CCT3: variants seen among roughly 807,000 people sequenced by gnomAD.
CCT3 encodes chaperonin containing TCP1 subunit 3.
Under a neutral mutation model 65.3 loss-of-function variants are expected in CCT3, and 10 were observed. The observed-to-expected ratio is 0.15, with a 90% CI of 0.09 to 0.26. The LOEUF (loss-of-function observed/expected upper bound fraction) is 0.26, where lower values mean the gene tolerates loss of function less well. Among genes scored for constraint, CCT3 ranks in the 10% least tolerant of loss-of-function variants. The probability of loss-of-function intolerance (pLI) is 1.00; values close to 1 mark genes in which losing one functional copy is unlikely to be tolerated. For synonymous variants in CCT3, 225 were observed against 242.3 expected, an observed-to-expected ratio of 0.93 and a Z score of 0.66; for missense variants, 626 against 708.7, an observed-to-expected ratio of 0.88 and a Z score of 1.33.
At chr1:156,338,038 G>C (rs989396475) in intron 1 of CCT3, 116 bp downstream of exon 1, 10 of 1,141,384 alleles carry the variant, frequency 8.8e-6, no homozygotes, top group Non-Finnish European at 1.2e-5. Flanking sequence ...AAATGAAGAC[G>C]ATGATTGGAA....
rs571132458 is a variant in CCT3 at position 156,327,900 on chromosome 1, G to A, written c.305-2811C>T. ...ATGTGGGGAGCACCTCTGCCCCACC[G>A]CCCCGTCTGGGATGTGAGGAGCGCC... On this transcript the variant is annotated intron_variant, in intron 5 of 13. Coordinates refer to ENST00000295688, the MANE Select transcript of CCT3 (RefSeq NM_005998.5). Among the ~76,000 whole-genome samples the A allele has an allele frequency of 7.8e-3, 1,127 of 143,584 alleles. 30 individuals are homozygous for A. Among genetic ancestry groups the A allele is most frequent in the African/African-American group, 0.027 (1,023 of 37,252 alleles). The allele number at this position is 143,584 out of a possible 152,430, so 94.2% of individuals were successfully genotyped here.
chr1:156,324,910 A>G (rs1177890587), intron 6 of CCT3, 62 bp downstream of exon 6: 2 of 1,115,918 alleles, frequency 1.8e-6, no homozygotes, highest in Non-Finnish European at 2.7e-6. Context: ...GACAGCCATG[A>G]GCCACCACGT....
At chr1:156,328,103 C>T (rs1664925922) in intron 5 of CCT3, among the ~76,000 whole-genome samples, 1 of 140,900 alleles carries the variant, frequency 7.1e-6, no homozygotes, top group African/African-American at 2.6e-5. Context: ...AGCCAGCCGC[C>T]CCGTCCGGGA....
At chr1:156,335,080 G>A (rs551256924) in intron 2 of CCT3, 162 bp from the exon 3 acceptor site, 9 of 610,224 alleles carry the variant, frequency 1.5e-5, no homozygotes, top group Admixed American at 1.3e-4. Flanking sequence ...CATGTTGCTC[G>A]GGCTGGTCTC....
intron 10 of CCT3, among the ~76,000 whole-genome samples, chr1:156,312,715 T>C (rs967405060): frequency 1.3e-5 from 2 of 152,124 alleles, no homozygotes; most frequent in African/African-American, 2.4e-5. Flanking sequence ...GAAGCCATCA[T>C]TGCAGTTACA....
chr1:156,312,076 T>C lies in CCT3; in HGVS notation c.1120A>G (p.Ile374Val). ...TCTTTGCTAGCCCCCCGGAGGAGAATGGTGCAGGCCTTGGGGTCTTTGCAG... is the reference window on the plus strand; with the variant it reads ...TCTTTGCTAGCCCCCCGGAGGAGAACGGTGCAGGCCTTGGGGTCTTTGCAG... ...TDCKDPKACT[I>V]LLRGASKEIL... The change falls in exon 11 of 14, where the codon ATT (isoleucine) becomes GTT (valine). Residue 374 changes from isoleucine to valine, a missense_variant. By Grantham distance (29) the Ile-to-Val change is conservative. Transcript: ENST00000295688. 4 of 1,611,862 alleles carry C rather than the reference T, an allele frequency of 2.5e-6. No individual in the cohort carries two copies. The highest frequency in any genetic ancestry group is 2.2e-5 in the East Asian group (1 of 44,694).
chr1:156,308,976 C>T lies in CCT3; in HGVS notation c.*223G>A, dbSNP rs987218410. On this transcript the variant is annotated 3_prime_UTR_variant, in exon 14 of 14. Transcript: ENST00000295688. ...AACACATAACAACTTTCTCAAATGA[C>T]TTAGATTTAATCATCGGAAGCAAAC... 4.6e-6 allele frequency: 2 copies of T among 438,068 alleles called. No homozygotes were observed. The highest frequency in any genetic ancestry group is 3.6e-5 in the East Asian group (1 of 27,736). The allele number at this position is 438,068 out of a possible 1,614,324, so 27.1% of individuals were successfully genotyped here.
chr1:156,335,969 A>G (rs1665326879), intron 1 of CCT3, 81 bp from the exon 2 acceptor site: 2 of 1,127,582 alleles, frequency 1.8e-6, no homozygotes, highest in South Asian at 1.3e-5. Context: ...TCTTTGAAAA[A>G]TAAGAATGCA....
chr1:156,316,633 A>G (rs898020134), intron 10 of CCT3, among the ~76,000 whole-genome samples: 1 of 152,252 alleles, frequency 6.6e-6, no homozygotes, highest in Non-Finnish European at 1.5e-5. Context: ...GGCTGACAAC[A>G]GGATGACTGC....
intron 6 of CCT3, among the ~76,000 whole-genome samples, chr1:156,322,060 G>A (rs1443277402): frequency 6.6e-6 from 1 of 152,144 alleles, no homozygotes; most frequent in Non-Finnish European, 1.5e-5. Flanking sequence ...ACCAACCTGG[G>A]CAACATAGCA....
chr1:156,333,680 A>G (rs1665207782), intron 4 of CCT3, 37 bp from the exon 5 acceptor site: 2 of 1,502,282 alleles, frequency 1.3e-6, no homozygotes, highest in African/African-American at 2.8e-5. Flanking sequence ...CACACTATTC[A>G]AAGACCTCTG....
Position 156,333,627 on chromosome 1 carries a change from G to A in CCT3, c.224C>T (p.Pro75Leu). ...AILREIQVQH[P>L]AAKSMIEISR... ...AATTTCGATCATGGACTTGGCCGCT[G>A]GATGCTGGACTTGAATCTAAAAAGG... The change falls in exon 5 of 14, where the codon CCA becomes CTA. Residue 75 changes from proline to leucine, a missense_variant. By Grantham distance (98) the Pro-to-Leu change is moderately conservative. Coordinates refer to ENST00000295688, the MANE Select transcript of CCT3 (RefSeq NM_005998.5). The A allele has an allele frequency of 6.2e-7, 1 of 1,613,864 alleles. No homozygotes were observed. Among genetic ancestry groups the A allele is most frequent in the Admixed American group, 1.7e-5 (1 of 60,006 alleles).
At chr1:156,332,658 TTTAAGG>T (rs1292686470) in intron 5 of CCT3, 3 of 152,192 alleles carry the variant, frequency 2.0e-5, no homozygotes, top group Non-Finnish European at 4.4e-5. Flanking sequence ...ATGCAGTATA[TTTAAGG>T]TTATGTTTTT....
intron 4 of CCT3, among the ~76,000 whole-genome samples, chr1:156,333,954 C>G (rs1665220372): frequency 6.6e-6 from 1 of 152,134 alleles, no homozygotes; most frequent in Non-Finnish European, 1.5e-5. Context: ...TACGTTGAAG[C>G]CAGCTGGGCA....
Position 156,325,035 on chromosome 1 carries a change from G to A in CCT3, c.359C>T (p.Thr120Ile), listed in dbSNP as rs1385468706. Residue 120 changes from threonine (T) to isoleucine (I), a missense_variant, in exon 6 of 14, where the codon ACA becomes ATA. Thr to Ile is a moderately conservative substitution (Grantham distance 89). Transcript: ENST00000295688. The part of the protein sequence containing the change: ...EHFLEQQMHP[T>I]VVISAYRKAL... ...CTTGCGGTAAGCACTGATCACCACT[G>A]TTGGGTGCATCTGCTGCTCCAGGAA... 1 of 1,613,764 alleles carries A rather than the reference G, an allele frequency of 6.2e-7. No homozygotes were observed. The highest frequency in any genetic ancestry group is 8.5e-7 in the Non-Finnish European group (1 of 1,179,962).
In CCT3 at chr1:156,318,852, A is replaced by C. The variant is rs1181394542; in HGVS notation, c.759+16T>G. On this transcript the variant is annotated intron_variant, in intron 8 of 13. Coordinates refer to ENST00000295688, the MANE Select transcript of CCT3 (RefSeq NM_005998.5). ...ATTCTTGCATCTACTTTAAGGAACAAGGCCAAGAACCTTACCTGGCTTTCT... is the reference window on the plus strand; with the variant it reads ...ATTCTTGCATCTACTTTAAGGAACACGGCCAAGAACCTTACCTGGCTTTCT... 1 of 1,603,388 alleles carries C rather than the reference A, an allele frequency of 6.2e-7. No individual in the cohort carries two copies. The highest frequency in any genetic ancestry group is 1.1e-5 in the South Asian group (1 of 88,894).
chr1:156,314,440 T>A (rs899998541), intron 10 of CCT3, among the ~76,000 whole-genome samples: 1 of 151,968 alleles, frequency 6.6e-6, no homozygotes, highest in Non-Finnish European at 1.5e-5. Flanking sequence ...ACAGGCCAGG[T>A]GCAGTGGCTC....
intron 5 of CCT3, among the ~76,000 whole-genome samples, chr1:156,327,686 T>C (rs2101660599): frequency 6.6e-6 from 1 of 151,870 alleles, no homozygotes; most frequent in East Asian, 2.0e-4. Flanking sequence ...AGAGCCGAGA[T>C]TGCAGCCTCT....
chr1:156,311,596 A>G (rs145119039), intron 11 of CCT3, among the ~76,000 whole-genome samples: 67 of 152,184 alleles, frequency 4.4e-4, no homozygotes, highest in African/African-American at 1.5e-3. Context: ...GGTGTTGTAC[A>G]CTCTCCTACT....
Sources: gnomAD v4.1 joint callset for allele counts (sites outside exome capture counted in the v4.1 genomes callset) on GRCh38, gnomAD v4.1.1 for gene constraint, MANE v1.5 for transcripts, NCBI Gene and HGNC (gene_info 2026-07-23, HGNC 2026-07-21) for gene names.